Variants in NAP1L4 observed in about 807,000 individuals in gnomAD.
The protein encoded by NAP1L4 is nucleosome assembly protein 1 like 4.
A neutral mutation model predicts 58.2 loss-of-function variants in NAP1L4; 15 were observed. The observed-to-expected ratio is 0.26, with a 90% CI of 0.17 to 0.40. The LOEUF (loss-of-function observed/expected upper bound fraction) is 0.40. NAP1L4 is among the 10% of genes least tolerant of loss of function. The probability of loss-of-function intolerance (pLI) is 1.00; values close to 1 mark genes in which losing one functional copy is unlikely to be tolerated. For missense variants in NAP1L4, 384 were observed against 451.1 expected, an observed-to-expected ratio of 0.85 and a Z score of 1.35; for synonymous variants, 171 against 155.6, an observed-to-expected ratio of 1.10 and a Z score of -0.74.
chr11:2,977,006 G>A (rs2133989889), intron 3 of NAP1L4, among the ~76,000 whole-genome samples: 1 of 152,262 alleles, frequency 6.6e-6, no homozygotes, highest in Middle Eastern at 3.4e-3. Flanking sequence ...CCCATGATGT[G>A]GGTAAGTCAA....
At chr11:2,956,616 G>A (rs1846557141) in intron 10 of NAP1L4, among the ~76,000 whole-genome samples, 1 of 152,224 alleles carries the variant, frequency 6.6e-6, no homozygotes, top group African/African-American at 2.4e-5. Flanking sequence ...CATGAGTGAG[G>A]CAGAGTTCCC....
chr11:2,945,542 G>T lies in NAP1L4; in HGVS notation c.*137C>A. ...GTCCACGGGATTGTGCTGCGGCAAG[G>T]ACCGAGGCCCCGCCCACAGGCCTGG... is the stretch of plus-strand genomic sequence containing the variant. On this transcript the variant is annotated 3_prime_UTR_variant, in exon 16 of 16. Transcript: ENST00000380542. The T allele has an allele frequency of 7.1e-7, 1 of 1,405,204 alleles. No homozygotes were observed. Among genetic ancestry groups the T allele is most frequent in the South Asian group, 1.2e-5 (1 of 80,748 alleles). The allele number at this position is 1,405,204 out of a possible 1,614,324, so 87.0% of individuals were successfully genotyped here.
chr11:2,946,500 C>G lies in NAP1L4; in HGVS notation c.*33-854G>C, dbSNP rs1406070657. The stretch of plus-strand genomic sequence containing the variant: ...GCTAGTAACTTTACGAACCTGTAAC[C>G]TATGATTTCTGGCTAAGATTACAAA... On this transcript the variant is annotated intron_variant, in intron 15 of 15. Transcript: ENST00000380542. This position sits in a 1 kb window ranked among gnomAD's most constrained non-coding sequence, Gnocchi z 4.8. Among the ~76,000 whole-genome samples the G allele has an allele frequency of 4.6e-5, 7 of 152,308 alleles. No individual in the cohort carries two copies. The highest frequency in any genetic ancestry group is 1.7e-4 in the African/African-American group (7 of 41,566).
At chr11:2,962,473 A>G (rs1846983269) in intron 8 of NAP1L4, among the ~76,000 whole-genome samples, 1 of 152,250 alleles carries the variant, frequency 6.6e-6, no homozygotes, top group Admixed American at 6.5e-5. Context: ...AACACCAGTC[A>G]AGACTCATTT....
intron 4 of NAP1L4, among the ~76,000 whole-genome samples, 163 bp downstream of exon 4, chr11:2,975,861 G>A (rs774278112): frequency 9.2e-5 from 14 of 152,138 alleles, no homozygotes; most frequent in Non-Finnish European, 1.3e-4. Context: ...CCTAGGCACC[G>A]GGTAGGGTCA....
chr11:2,984,556 A>T (rs1407890696), intron 1 of NAP1L4, among the ~76,000 whole-genome samples: 1 of 152,166 alleles, frequency 6.6e-6, no homozygotes, highest in Admixed American at 6.5e-5. Flanking sequence ...GGGCAACAAG[A>T]GCGAAACTCT....
At position 2,971,727 on chromosome 11, in the gene NAP1L4, A is replaced by C. The variant is rs1283650560; in HGVS notation, c.316-193T>G. The stretch of plus-strand genomic sequence containing the variant: ...CTGGGTAAACCTGGATGTTTCACCT[A>C]AAGATGTAAAATAAAGACAGTCCCC... On this transcript the variant is annotated intron_variant, in intron 5 of 15. Transcript: ENST00000380542. The surrounding 1 kb of genome is among the most constrained non-coding windows in gnomAD (Gnocchi z 4.2). Among the ~76,000 whole-genome samples the C allele has an allele frequency of 1.3e-5, 2 of 152,258 alleles. No individual in the cohort carries two copies. The highest frequency in any genetic ancestry group is 2.4e-5 in the African/African-American group (1 of 41,470).
At chr11:2,952,116 G>A (rs1846259388) in intron 12 of NAP1L4, 1 of 446,108 alleles carries the variant, frequency 2.2e-6, no homozygotes. Context: ...TCACACCGAG[G>A]AGCAGGCACA....
chr11:2,969,956 G>C (rs542084273), intron 6 of NAP1L4, 22 bp from the exon 7 acceptor site: 2 of 1,598,808 alleles, frequency 1.3e-6, no homozygotes, highest in Admixed American at 1.7e-5. Flanking sequence ...ATGCAACATA[G>C]GTAACGAAAA....
chr11:2,978,231 G>C, intron 3 of NAP1L4, 53 bp downstream of exon 3: 1 of 1,541,066 alleles, frequency 6.5e-7, no homozygotes, highest in South Asian at 1.1e-5. Flanking sequence ...TGTTTCCAGA[G>C]AGAGGAACGT....
chr11:2,964,235 T>C (rs922031873), intron 8 of NAP1L4, among the ~76,000 whole-genome samples: 1 of 152,140 alleles, frequency 6.6e-6, no homozygotes, highest in South Asian at 2.1e-4. Context: ...ATTAGATGCA[T>C]GCAAACTTCA....
chr11:2,958,624 A>G (rs1846688403), intron 9 of NAP1L4, 80 bp from the exon 10 acceptor site: 15 of 1,427,280 alleles, frequency 1.1e-5, no homozygotes, highest in Non-Finnish European at 1.4e-5. Flanking sequence ...AGCAAACCAC[A>G]GCTCTATGCC....
At chr11:2,983,239 C>A (rs1005420319) in intron 1 of NAP1L4, among the ~76,000 whole-genome samples, 1 of 152,136 alleles carries the variant, frequency 6.6e-6, no homozygotes, top group East Asian at 1.9e-4. Context: ...AAGCATAAAC[C>A]ACCTGTGTTA....
rs1301078785 is a variant in NAP1L4, at chr11:2,992,272, GT to G, written c.-37del. ...TCCGCACCTCACGCCTCCTGCGGCA[GT>G]GGCGGCGACCCTAGCTTCGCTCGCT... On this transcript the variant is annotated 5_prime_UTR_variant, in exon 1 of 16. Transcript: ENST00000380542. The G allele has an allele frequency of 6.6e-6, 1 of 152,332 alleles. No homozygotes were observed. Among genetic ancestry groups the G allele is most frequent in the African/African-American group, 2.4e-5 (1 of 41,430 alleles). The allele number at this position is 152,332 out of a possible 1,614,324, so 9.4% of individuals were successfully genotyped here.
In NAP1L4 at chr11:2,946,445, A is replaced by G. The variant is rs1434561313; in HGVS notation, c.*33-799T>C. Among the ~76,000 whole-genome samples, 2 of 152,228 alleles carry G rather than the reference A, an allele frequency of 1.3e-5. No individual in the cohort carries two copies. Among genetic ancestry groups the G allele is most frequent in the African/African-American group, 2.4e-5 (1 of 41,462 alleles). On this transcript the variant is annotated intron_variant, in intron 15 of 15. Transcript: ENST00000380542. The surrounding 1 kb of genome is among the most constrained non-coding windows in gnomAD (Gnocchi z 4.8). Reference sequence around the variant, plus strand: ...TGTGGAGGCCAACAATAGCCTAAGAAATACATCACGATCTTGCTAATGCTT... The same window carrying G: ...TGTGGAGGCCAACAATAGCCTAAGAGATACATCACGATCTTGCTAATGCTT...
intron 7 of NAP1L4, among the ~76,000 whole-genome samples, chr11:2,967,408 C>T (rs1294057340): frequency 6.6e-6 from 1 of 151,970 alleles, no homozygotes; most frequent in African/African-American, 2.4e-5. Flanking sequence ...GTCAGCAGAT[C>T]GAGACCATCC....
At chr11:2,979,971 T>C (rs1235874370) in intron 1 of NAP1L4, among the ~76,000 whole-genome samples, 1 of 152,210 alleles carries the variant, frequency 6.6e-6, no homozygotes, top group Non-Finnish European at 1.5e-5. Flanking sequence ...ATGGGATTAT[T>C]TTCTAATTGC....
rs765374599 is a variant in NAP1L4, at chr11:2,951,749, G to C, written c.1065+31C>G. 3 of 1,611,182 alleles carry C rather than the reference G, an allele frequency of 1.9e-6. No individual in the cohort carries two copies. The highest frequency in any genetic ancestry group is 2.7e-5 in the African/African-American group (2 of 74,850). On this transcript the variant is annotated intron_variant, in intron 13 of 15. Coordinates refer to ENST00000380542, the MANE Select transcript of NAP1L4 (RefSeq NM_005969.4). This position sits in a 1 kb window ranked among gnomAD's most constrained non-coding sequence, Gnocchi z 4.0. ...AAGCCAAAGAAACAACTTCAGGGAGGTAAGTGGCACTGCATAAACCTGTCT... is the reference window on the plus strand; with the variant it reads ...AAGCCAAAGAAACAACTTCAGGGAGCTAAGTGGCACTGCATAAACCTGTCT...
intron 6 of NAP1L4, among the ~76,000 whole-genome samples, chr11:2,970,852 C>CG (rs1468048558): frequency 3.8e-4 from 20 of 52,130 alleles, no homozygotes; most frequent in South Asian, 7.1e-4. Flanking sequence ...TATACCACCC[C>CG]CCCCCCAAAA....
Sources: allele counts gnomAD v4.1 joint callset (sites outside exome capture counted in the v4.1 genomes callset), GRCh38; gene constraint gnomAD v4.1.1; non-coding constraint Gnocchi (gnomAD v3.1); transcripts MANE v1.5; gene names NCBI Gene and HGNC (gene_info 2026-07-23, HGNC 2026-07-21).